The following IQCM variants were observed in gnomAD, a reference collection of about 807,000 sequenced individuals.
IQCM encodes IQ motif containing M.
A neutral mutation model predicts 57.6 loss-of-function variants in IQCM; 45 were observed. The ratio of observed to expected loss-of-function variants is 0.78; its 90% CI spans 0.62 to 1.00. IQCM has a LOEUF of 1.00. IQCM is among the 50% of genes least tolerant of loss of function. The probability of loss-of-function intolerance (pLI) is 0.00; values close to 1 mark genes in which losing one functional copy is unlikely to be tolerated. For missense variants in IQCM, 468 were observed against 511.6 expected (o/e 0.91, Z 0.82); for synonymous variants, 148 against 158.9 (o/e 0.93, Z 0.51).
chr4:149,454,807 G>A (rs1272290430), intron 12 of IQCM, among the ~76,000 whole-genome samples: 1 of 152,002 alleles, frequency 6.6e-6, no homozygotes, highest in Non-Finnish European at 1.5e-5. Flanking sequence ...CAAATTCATA[G>A]AGGCAGAAAG....
chr4:149,445,057 C>G (rs988557697), intron 12 of IQCM, among the ~76,000 whole-genome samples: 3 of 152,000 alleles, frequency 2.0e-5, no homozygotes, highest in African/African-American at 7.2e-5. Flanking sequence ...ATCATAGTTA[C>G]AATATTCATT....
intron 2 of IQCM, among the ~76,000 whole-genome samples, chr4:149,766,175 T>C (rs992607321): frequency 1.3e-5 from 2 of 152,118 alleles, no homozygotes; most frequent in Admixed American, 6.6e-5. Flanking sequence ...TAACACTTAT[T>C]GCTGTCAAAT....
intron 5 of IQCM, among the ~76,000 whole-genome samples, chr4:149,694,689 A>G (rs946942462): frequency 6.6e-6 from 1 of 152,182 alleles, no homozygotes; most frequent in Non-Finnish European, 1.5e-5. Context: ...AGTGTCAGAA[A>G]AGGGAGTGTG....
At chr4:149,584,725 T>C (rs1752497988) in intron 9 of IQCM, among the ~76,000 whole-genome samples, 1 of 151,868 alleles carries the variant, frequency 6.6e-6, no homozygotes, top group Non-Finnish European at 1.5e-5. Flanking sequence ...ATGTTTACAG[T>C]TGAAGAAAAC....
intron 8 of IQCM, among the ~76,000 whole-genome samples, chr4:149,616,816 T>C (rs903906684): frequency 5.3e-5 from 8 of 152,120 alleles, no homozygotes; most frequent in Admixed American, 2.0e-4. Context: ...TCCAGGTTGA[T>C]AGGTGCAGCA....
intron 12 of IQCM, among the ~76,000 whole-genome samples, chr4:149,463,136 T>G (rs1026953168): frequency 2.6e-5 from 4 of 152,182 alleles, no homozygotes; most frequent in Non-Finnish European, 5.9e-5. Flanking sequence ...AGAATTCCAT[T>G]TATACACATG....
chr4:149,682,196 A>G lies in IQCM; in HGVS notation c.487T>C (p.Leu163=), dbSNP rs1276466746. Residue 163 remains leucine (L), a synonymous_variant, in exon 7 of 14, where the codon TTG becomes CTG. Coordinates refer to ENST00000636793, the MANE Select transcript of IQCM (RefSeq NM_001363507.2). ...ACAGGAAAGGGATAGAGTAATTCCA[A>G]CATTCTGTTTCTGAAACATTAAGTT... is the stretch of plus-strand genomic sequence containing the variant. ...QHFEESRNRM[L]ELLYPFPVHL... is the part of the protein sequence containing the mutation. 3.3e-6 allele frequency: 4 copies of G among 1,218,860 alleles called. No individual in the cohort carries two copies. The highest frequency in any genetic ancestry group is 1.0e-6 in the Non-Finnish European group (1 of 976,554). The allele number at this position is 1,218,860 out of a possible 1,614,324, so 75.5% of individuals were successfully genotyped here. A position where few individuals can be genotyped will look rare whatever the true frequency, so the allele number is the denominator to read the frequency against.
chr4:149,505,449 A>T (rs1743705193), intron 12 of IQCM, among the ~76,000 whole-genome samples: 1 of 152,128 alleles, frequency 6.6e-6, no homozygotes, highest in Admixed American at 6.6e-5. Context: ...GGAAAGATAA[A>T]TTTTTCATCT....
intron 13 of IQCM, among the ~76,000 whole-genome samples, chr4:149,378,150 A>G (rs563850269): frequency 2.0e-5 from 3 of 152,216 alleles, no homozygotes; most frequent in Admixed American, 2.0e-4. Context: ...CATGATTATG[A>G]GGCCTCCCCA....
intron 2 of IQCM, among the ~76,000 whole-genome samples, chr4:149,777,024 G>C (rs1247468075): frequency 6.6e-6 from 1 of 151,980 alleles, no homozygotes; most frequent in African/African-American, 2.4e-5. Context: ...AGTTGTATAA[G>C]GTTTTTATGT....
chr4:149,488,817 T>A (rs190673423), intron 12 of IQCM, among the ~76,000 whole-genome samples: 1 of 152,112 alleles, frequency 6.6e-6, no homozygotes, highest in Non-Finnish European at 1.5e-5. Flanking sequence ...GAAAAGGTAA[T>A]ATTAGACACT....
At chr4:149,468,861 C>A (rs1157111226) in intron 12 of IQCM, among the ~76,000 whole-genome samples, 1 of 152,188 alleles carries the variant, frequency 6.6e-6, no homozygotes, top group Non-Finnish European at 1.5e-5. Flanking sequence ...CCCAGGCAAA[C>A]AGGGTCGGAG....
chr4:149,594,919 G>A (rs1274321629), intron 8 of IQCM, among the ~76,000 whole-genome samples: 1 of 152,118 alleles, frequency 6.6e-6, no homozygotes, highest in Non-Finnish European at 1.5e-5. Flanking sequence ...ATGCTGAGAA[G>A]AATGTATATT....
chr4:149,600,711 G>C (rs1244894261), intron 8 of IQCM, among the ~76,000 whole-genome samples: 2 of 152,136 alleles, frequency 1.3e-5, no homozygotes, highest in African/African-American at 4.8e-5. Flanking sequence ...GACTCTGATG[G>C]AGAATTATCT....
chr4:149,393,750 A>G (rs928360397), intron 13 of IQCM, among the ~76,000 whole-genome samples: 1 of 152,024 alleles, frequency 6.6e-6, no homozygotes, highest in Non-Finnish European at 1.5e-5. Flanking sequence ...CAGCTTAAGT[A>G]TCATTCAAGA....
intron 5 of IQCM, among the ~76,000 whole-genome samples, chr4:149,693,288 C>G (rs1225827872): frequency 6.6e-6 from 1 of 152,162 alleles, no homozygotes; most frequent in Admixed American, 6.5e-5. Flanking sequence ...ATGATATGGT[C>G]CATGACCTTG....
intron 13 of IQCM, among the ~76,000 whole-genome samples, chr4:149,388,599 C>CAT (rs1458902020): frequency 1.0e-5 from 1 of 98,178 alleles, no homozygotes. Flanking sequence ...TACATATATA[C>CAT]ACATATATAG....
At chr4:149,593,028 A>G (rs112996323) in intron 8 of IQCM, among the ~76,000 whole-genome samples, 32,502 of 152,006 alleles carry the variant, frequency 0.21, 4,347 homozygotes, top group Non-Finnish European at 0.29. Flanking sequence ...ATGGCATTGA[A>G]TCTATAAATT....
In IQCM at chr4:149,556,583, A is replaced by C. The variant is rs1215972737; in HGVS notation, c.949-3296T>G. On this transcript the variant is annotated intron_variant, in intron 10 of 13. Transcript: ENST00000636793. ...CATTTAGGTATGAAAATATCAAAAA[A>C]ATCTTTATTCAAAAGCCTTATAAAA... Among the ~76,000 whole-genome samples the C allele has an allele frequency of 2.7e-5, 4 of 147,354 alleles. No homozygotes were observed. In the East Asian group the frequency reaches 6.5e-4, roughly 24 times the overall value.
Sources: gnomAD v4.1 joint callset for allele counts (sites outside exome capture counted in the v4.1 genomes callset) on GRCh38, gnomAD v4.1.1 for gene constraint, MANE v1.5 for transcripts, NCBI Gene and HGNC (gene_info 2026-07-23, HGNC 2026-07-21) for gene names.